BLTP2: variants seen among roughly 807,000 people sequenced by gnomAD.
BLTP2 encodes the protein U937-associated antigen.
the BLTP2 span, chr17:28,631,330 T>A: frequency 4.3e-6 from 3 of 705,558 alleles, no homozygotes; most frequent in Non-Finnish European, 4.8e-6. Context: ...GCGGGCACCG[T>A]GATCTTGGAC....
the BLTP2 span, chr17:28,636,988 G>C: frequency 6.2e-7 from 1 of 1,614,012 alleles, no homozygotes; most frequent in African/African-American, 1.3e-5. Context: ...ATGCTGCTGT[G>C]ATAGGTGATG....
the BLTP2 span, chr17:28,644,919 C>A: frequency 9.3e-6 from 13 of 1,403,972 alleles, no homozygotes; most frequent in Middle Eastern, 3.7e-4. Context: ...CCTCCTCAGT[C>A]TTTCTTCCTC....
chr17:28,633,453 A>G, the BLTP2 span: 1 of 1,578,610 alleles, frequency 6.3e-7, no homozygotes, highest in Non-Finnish European at 8.7e-7. Flanking sequence ...AACCATCCTC[A>G]TCTCCCAAAT....
At chr17:28,614,863 T>C in the BLTP2 span, 4 of 546,070 alleles carry the variant, frequency 7.3e-6, no homozygotes, top group African/African-American at 7.6e-5. Context: ...TCTCTGGCCC[T>C]GAGCCTGATC....
the BLTP2 span, among the ~76,000 whole-genome samples, chr17:28,622,407 A>C: frequency 6.6e-6 from 1 of 152,112 alleles, no homozygotes; most frequent in Non-Finnish European, 1.5e-5. Context: ...TTGATAAAAG[A>C]AGCATCAGCC....
chr17:28,616,084 A>G, the BLTP2 span: 1 of 1,601,180 alleles, frequency 6.2e-7, no homozygotes, highest in Non-Finnish European at 8.6e-7. This position sits in a 1 kb window ranked among gnomAD's most constrained non-coding sequence, Gnocchi z 4.8. Context: ...AAAGTGCTTG[A>G]GAGGTGCAGA....
At chr17:28,620,066 G>A in the BLTP2 span, 5 of 1,526,324 alleles carry the variant, frequency 3.3e-6, no homozygotes, top group Admixed American at 1.9e-5. Flanking sequence ...GACAAGTCTT[G>A]TAGTAAAGTG....
the BLTP2 span, among the ~76,000 whole-genome samples, chr17:28,630,441 A>AGCCACCT: frequency 6.9e-6 from 1 of 145,218 alleles, no homozygotes. Flanking sequence ...TACAGGCATG[A>AGCCACCT]GCCACCTGAG....
chr17:28,616,542 A>T, the BLTP2 span: 5 of 1,614,014 alleles, frequency 3.1e-6, no homozygotes, highest in Non-Finnish European at 4.2e-6. The surrounding 1 kb of genome is among the most constrained non-coding windows in gnomAD (Gnocchi z 4.8). Context: ...GCTGTCATCC[A>T]TCCTCGTTCT....
At chr17:28,624,614 A>T in the BLTP2 span, among the ~76,000 whole-genome samples, 1 of 152,312 alleles carries the variant, frequency 6.6e-6, no homozygotes, top group African/African-American at 2.4e-5. Flanking sequence ...ACAGATTCCC[A>T]ACAGAAACTT....
the BLTP2 span, chr17:28,639,641 A>G: frequency 4.3e-6 from 7 of 1,614,046 alleles, no homozygotes; most frequent in Non-Finnish European, 5.9e-6. Context: ...ACAACAACCC[A>G]TCTGTAAGAG....
the BLTP2 span, chr17:28,616,867 C>T: frequency 8.7e-6 from 14 of 1,605,064 alleles, no homozygotes; most frequent in Middle Eastern, 1.7e-3. This position sits in a 1 kb window ranked among gnomAD's most constrained non-coding sequence, Gnocchi z 4.8. Flanking sequence ...GTTCCCAGGT[C>T]CCTAAGGGAC....
chr17:28,617,304 A>G, the BLTP2 span: 1 of 1,613,922 alleles, frequency 6.2e-7, no homozygotes, highest in Non-Finnish European at 8.5e-7. Context: ...CTGCTGTGTC[A>G]TCAGACTTAT....
the BLTP2 span, chr17:28,631,733 T>C: frequency 6.2e-7 from 1 of 1,606,218 alleles, no homozygotes; most frequent in Middle Eastern, 1.7e-4. Flanking sequence ...GAGGATAGTG[T>C]AAGACAGAGA....
At chr17:28,614,561 C>G in the BLTP2 span, 7 of 174,400 alleles carry the variant, frequency 4.0e-5, no homozygotes, top group African/African-American at 1.7e-4. Flanking sequence ...TGCCATCCTC[C>G]CAAGTGAACT....
At chr17:28,628,037 C>T in the BLTP2 span, among the ~76,000 whole-genome samples, 2 of 152,260 alleles carry the variant, frequency 1.3e-5, no homozygotes, top group East Asian at 1.9e-4. Context: ...TGTTTTGGCT[C>T]CAACACTCCC....
the BLTP2 span, chr17:28,631,792 G>A: frequency 6.2e-7 from 1 of 1,608,018 alleles, no homozygotes; most frequent in South Asian, 1.1e-5. Flanking sequence ...AACAGGATAG[G>A]AGAAATGAAA....
At chr17:28,619,235 T>C in the BLTP2 span, among the ~76,000 whole-genome samples, 1 of 152,110 alleles carries the variant, frequency 6.6e-6, no homozygotes, top group Non-Finnish European at 1.5e-5. Context: ...TGCAACTGTA[T>C]ACTGATCAAC....
the BLTP2 span, chr17:28,619,058 G>C: frequency 9.6e-7 from 1 of 1,038,054 alleles, no homozygotes; most frequent in South Asian, 1.5e-5. Flanking sequence ...TGATGCAGGA[G>C]GTAAACCCAG....
Sources: allele counts gnomAD v4.1 joint callset (sites outside exome capture counted in the v4.1 genomes callset), GRCh38; gene constraint gnomAD v4.1.1; non-coding constraint Gnocchi (gnomAD v3.1); transcripts MANE v1.5; gene names NCBI Gene and HGNC (gene_info 2026-07-23, HGNC 2026-07-21).